The following NAV3 variants were observed in gnomAD, a reference collection of about 807,000 sequenced individuals.
NAV3 encodes neuron navigator 3, also known as pore membrane and/or filament interacting like protein 1.
In NAV3, 87 loss-of-function variants were observed where a neutral mutation model predicts 244.7. The ratio of observed to expected loss-of-function variants is 0.36; its 90% CI spans 0.30 to 0.42. NAV3 has a LOEUF of 0.42. NAV3 is among the 20% of genes least tolerant of loss of function. The pLI is 1.00. For missense variants in NAV3, 2,663 were observed against 2,893.3 expected, an observed-to-expected ratio of 0.92 and a Z score of 1.83; for synonymous variants, 1,126 against 1,042.2, an observed-to-expected ratio of 1.08 and a Z score of -1.55.
intron 1 of NAV3, among the ~76,000 whole-genome samples, chr12:77,836,225 A>C (rs566731949): frequency 1.3e-5 from 2 of 152,316 alleles, no homozygotes; most frequent in South Asian, 4.1e-4. Flanking sequence ...AACAACATCC[A>C]ATTAAGCATT....
chr12:78,005,014 T>C (rs1159946700), intron 7 of NAV3, among the ~76,000 whole-genome samples: 1 of 152,216 alleles, frequency 6.6e-6, no homozygotes, highest in Non-Finnish European at 1.5e-5. Context: ...AACTTGTTTC[T>C]CTTTTCTAAG....
chr12:77,600,832 A>G (rs527415411), intron 2 of NAV3, among the ~76,000 whole-genome samples: 1 of 152,094 alleles, frequency 6.6e-6, no homozygotes, highest in Non-Finnish European at 1.5e-5. Flanking sequence ...GGCTCCTAGT[A>G]TCTTTTCAGG....
chr12:77,940,506 G>T, intron 2 of NAV3, 70 bp downstream of exon 2: 2 of 1,198,370 alleles, frequency 1.7e-6, no homozygotes, highest in Non-Finnish European at 1.2e-6. Context: ...CACAACTTAA[G>T]TTAAGCGCCT....
intron 31 of NAV3, 22 bp from the exon 32 acceptor site, chr12:78,188,222 TCTTA>T (rs755192206): frequency 9.3e-6 from 14 of 1,501,088 alleles, no homozygotes; most frequent in Admixed American, 3.5e-5. Context: ...TTGGATTTTA[TCTTA>T]CTTTATTTTG....
chr12:77,883,710 T>G (rs1841126884), intron 1 of NAV3, among the ~76,000 whole-genome samples: 1 of 152,194 alleles, frequency 6.6e-6, no homozygotes, highest in Admixed American at 6.6e-5. Flanking sequence ...ACTAACTAGT[T>G]ATTTCATGAT....
At position 78,130,897 on chromosome 12, in the gene NAV3, A is replaced by T. The variant is rs142557869; in HGVS notation, c.4441+2031A>T. ...CAGCACCTCTTTCCAGGGCTTGGAC[A>T]AAAATACATCTGTGTTGGCCAGCAT... On this transcript the variant is annotated intron_variant, in intron 18 of 39. Transcript: ENST00000397909. 1,237 of 187,738 alleles carry T rather than the reference A, an allele frequency of 6.6e-3. 7 individuals are homozygous for T. Among genetic ancestry groups the T allele is most frequent in the Admixed American group, 9.8e-3 (185 of 18,952 alleles). The allele number at this position is 187,738 out of a possible 1,614,324, so 11.6% of individuals were successfully genotyped here.
chr12:77,614,762 G>T (rs1417699020), intron 2 of NAV3, among the ~76,000 whole-genome samples: 1 of 152,150 alleles, frequency 6.6e-6, no homozygotes. Context: ...TACTTGTTAG[G>T]ATTGAACACA....
chr12:77,836,630 T>G (rs1177708504), intron 1 of NAV3, among the ~76,000 whole-genome samples: 12 of 152,206 alleles, frequency 7.9e-5, no homozygotes, highest in Non-Finnish European at 1.3e-4. Context: ...AATTAAAGTT[T>G]GTTCAAAGGA....
rs145026853 is a variant in NAV3 at position 77,640,830 on chromosome 12, C to T, written c.72+68564C>T. On this transcript the variant is annotated intron_variant, in intron 2 of 8. Transcript: ENST00000550042. ...TTTACTGGAGCCGAAATGAGGGCAG[C>T]TACTCTTAAGACTCACACCCAAGTA... Among the ~76,000 whole-genome samples the T allele has an allele frequency of 6.7e-3, 1,024 of 152,236 alleles. 8 individuals are homozygous for T. Among genetic ancestry groups the T allele is most frequent in the African/African-American group, 0.024 (988 of 41,552 alleles).
intron 2 of NAV3, among the ~76,000 whole-genome samples, chr12:77,755,581 T>TCCTTTCCTC (rs1565800350): frequency 1.1e-3 from 9 of 8,430 alleles, no homozygotes; most frequent in East Asian, 4.5e-3. Context: ...TCCTTTCCTT[T>TCCTTTCCTC]CCTCCCTCCC....
chr12:77,791,553 C>G (rs1592686341), intron 2 of NAV3, among the ~76,000 whole-genome samples: 1 of 151,970 alleles, frequency 6.6e-6, no homozygotes, highest in African/African-American at 2.4e-5. Context: ...CCATATAACT[C>G]CCCTGTGGCA....
At chr12:77,876,300 A>C (rs1415304404) in intron 1 of NAV3, among the ~76,000 whole-genome samples, 2 of 152,076 alleles carry the variant, frequency 1.3e-5, no homozygotes, top group Non-Finnish European at 2.9e-5. Flanking sequence ...GCTAATGTGC[A>C]ATAAGACTTC....
intron 2 of NAV3, among the ~76,000 whole-genome samples, chr12:77,587,834 A>G (rs1395588661): frequency 6.6e-6 from 1 of 152,100 alleles, no homozygotes; most frequent in Non-Finnish European, 1.5e-5. Context: ...GCCAATGAAA[A>G]CCTTAGAGAT....
At chr12:77,723,962 T>C (rs1876763011) in intron 2 of NAV3, among the ~76,000 whole-genome samples, 1 of 151,826 alleles carries the variant, frequency 6.6e-6, no homozygotes, top group African/African-American at 2.4e-5. Flanking sequence ...AATATGAAAG[T>C]ACATTTGAGT....
chr12:77,779,789 TAGG>T (rs1400800336), intron 2 of NAV3, among the ~76,000 whole-genome samples: 1 of 152,180 alleles, frequency 6.6e-6, no homozygotes, highest in African/African-American at 2.4e-5. Flanking sequence ...AATAAGCAGA[TAGG>T]AGAAGCAGGA....
intron 1 of NAV3, among the ~76,000 whole-genome samples, chr12:77,918,779 A>G (rs956980961): frequency 6.6e-6 from 1 of 152,090 alleles, no homozygotes; most frequent in East Asian, 1.9e-4. Context: ...CAGAGTTCCA[A>G]GAGCAGCAAA....
chr12:77,713,591 A>C (rs564655979), intron 2 of NAV3, among the ~76,000 whole-genome samples: 1 of 152,298 alleles, frequency 6.6e-6, no homozygotes, highest in South Asian at 2.1e-4. Context: ...GAGCAGAAGT[A>C]CTACTGCTTA....
chr12:77,577,624 A>G (rs1869153437), intron 2 of NAV3, among the ~76,000 whole-genome samples: 1 of 152,184 alleles, frequency 6.6e-6, no homozygotes. Flanking sequence ...TACAGTCCCA[A>G]GATATATAAC....
rs1565941599 is a variant in NAV3, at chr12:77,941,084, A to G, written c.365A>G (p.Asn122Ser). The stretch of plus-strand genomic sequence containing the variant: ...TTATTTTATCTCTTGGCTTTAGCAA[A>G]TGAAAAAGTTGAAGATATCAATGGA... ...LLAEIIQIIA[N>S]EKVEDINGCP... Residue 122 changes from asparagine (N) to serine (S), a missense_variant, in exon 3 of 40, where the codon AAT becomes AGT. This residue lies in a region of NAV3 where 1,521 missense variants were observed against 1,497.0 expected (regional missense o/e 1.02). Transcript: ENST00000397909. 9.5e-6 allele frequency: 15 copies of G among 1,580,562 alleles called. No homozygotes were observed. The highest frequency in any genetic ancestry group is 1.3e-5 in the Non-Finnish European group (15 of 1,156,936).
Sources: gnomAD v4.1 joint callset for allele counts (sites outside exome capture counted in the v4.1 genomes callset) on GRCh38, gnomAD v4.1.1 for gene constraint, gnomAD v4.1.1 regional missense constraint, MANE v1.5 for transcripts, NCBI Gene and HGNC (gene_info 2026-07-23, HGNC 2026-07-21) for gene names.